HECTD4: variants seen among roughly 807,000 people sequenced by gnomAD.
HECTD4 encodes the protein HECT domain E3 ubiquitin protein ligase 4.
A neutral mutation model predicts 471.5 loss-of-function variants in HECTD4; 114 were observed. The ratio of observed to expected loss-of-function variants is 0.24; its 90% CI spans 0.21 to 0.28. The LOEUF (loss-of-function observed/expected upper bound fraction) is 0.28. Ranked by LOEUF, HECTD4 falls within the 10% of genes least tolerant of loss-of-function variation. The probability of loss-of-function intolerance (pLI) is 1.00; values close to 1 mark genes in which losing one functional copy is unlikely to be tolerated. For missense variants in HECTD4, 3,866 were observed against 5,651.5 expected, an observed-to-expected ratio of 0.68 and a Z score of 10.13; for synonymous variants, 2,012 against 2,256.0, an observed-to-expected ratio of 0.89 and a Z score of 3.07.
At chr12:112,265,630 T>C (rs971537036) in intron 15 of HECTD4, among the ~76,000 whole-genome samples, 1 of 152,196 alleles carries the variant, frequency 6.6e-6, no homozygotes, top group African/African-American at 2.4e-5. Context: ...GTAAGTTCCA[T>C]CTGTTATTTT....
chr12:112,219,124 T>C (rs1350427268), intron 45 of HECTD4, among the ~76,000 whole-genome samples: 1 of 152,226 alleles, frequency 6.6e-6, no homozygotes, highest in African/African-American at 2.4e-5. Flanking sequence ...CTTTTTGTTA[T>C]TGACAGCACA....
At chr12:112,260,514 C>T (rs1477906228) in intron 18 of HECTD4, among the ~76,000 whole-genome samples, 1 of 152,132 alleles carries the variant, frequency 6.6e-6, no homozygotes, top group Non-Finnish European at 1.5e-5. Flanking sequence ...AGATCTACAG[C>T]TCCAACATGC....
chr12:112,193,761 TC>T lies in HECTD4; in HGVS notation c.8750-88del. 8.4e-7 allele frequency: 1 copy of T among 1,193,932 alleles called. No individual in the cohort carries two copies. The highest frequency in any genetic ancestry group is 1.3e-5 in the South Asian group (1 of 75,274). 74.0% of individuals were successfully genotyped at this position (1,193,932 alleles called of 1,614,324 possible). On this transcript the variant is annotated intron_variant, in intron 56 of 75. Transcript: ENST00000682272. The surrounding 1 kb of genome is among the most constrained non-coding windows in gnomAD (Gnocchi z 5.2). ...TAAGTAACAGAAAATGAATAACCCATCCAGAAACCCCAGATGGGAGGGTTAT... is the reference window on the plus strand; with the variant it reads ...TAAGTAACAGAAAATGAATAACCCATCAGAAACCCCAGATGGGAGGGTTAT...
In HECTD4 at chr12:112,243,011, T is replaced by G. The variant is rs972814370; in HGVS notation, c.4958+342A>C. 2.0e-5 allele frequency among the ~76,000 whole-genome samples: 3 copies of G among 152,216 alleles called. No homozygotes were observed. The highest frequency in any genetic ancestry group is 2.9e-5 in the Non-Finnish European group (2 of 68,034). On this transcript the variant is annotated intron_variant, in intron 32 of 75. Coordinates refer to ENST00000682272, the MANE Select transcript of HECTD4 (RefSeq NM_001388303.1). The surrounding 1 kb of genome is among the most constrained non-coding windows in gnomAD (Gnocchi z 6.6). ...ATACTGAGCAAAACAACCATGGTTA[T>G]AGAAAGGCATGGATAATATAATCTG...
intron 6 of HECTD4, among the ~76,000 whole-genome samples, chr12:112,306,755 A>C (rs929183680): frequency 6.6e-6 from 1 of 152,216 alleles, no homozygotes; most frequent in African/African-American, 2.4e-5. Context: ...GAAAGCCAAG[A>C]GGAAAAGCTG....
chr12:112,256,224 C>T, intron 21 of HECTD4, 96 bp downstream of exon 21: 1 of 871,844 alleles, frequency 1.1e-6, no homozygotes, highest in East Asian at 2.6e-5. Flanking sequence ...AGACAGAAAT[C>T]AGTCAAGAAT....
chr12:112,224,530 T>C (rs2033181324), intron 44 of HECTD4, among the ~76,000 whole-genome samples: 1 of 152,144 alleles, frequency 6.6e-6, no homozygotes, highest in Admixed American at 6.6e-5. Context: ...CCTCCCAAAG[T>C]GCTAGGATTA....
intron 44 of HECTD4, among the ~76,000 whole-genome samples, chr12:112,220,665 C>T (rs911235140): frequency 6.6e-6 from 1 of 152,090 alleles, no homozygotes; most frequent in Non-Finnish European, 1.5e-5. Context: ...GGCATGGTGG[C>T]ACATGCTTGT....
chr12:112,337,075 C>G (rs2035971535), intron 1 of HECTD4, among the ~76,000 whole-genome samples: 1 of 152,122 alleles, frequency 6.6e-6, no homozygotes, highest in Non-Finnish European at 1.5e-5. Flanking sequence ...AGCTAAATCA[C>G]CTCAATTCAC....
At chr12:112,240,837 A>G (rs547504447) in intron 32 of HECTD4, among the ~76,000 whole-genome samples, 23 of 152,346 alleles carry the variant, frequency 1.5e-4, no homozygotes, top group South Asian at 6.2e-4. Flanking sequence ...TATTAGCAGA[A>G]GATGAAAGCC....
intron 70 of HECTD4, among the ~76,000 whole-genome samples, chr12:112,168,369 G>C (rs575844593): frequency 1.3e-5 from 2 of 152,218 alleles, no homozygotes; most frequent in Non-Finnish European, 2.9e-5. Context: ...CCGGGCTCGC[G>C]TATGTCCGAT....
At chr12:112,378,064 A>G (rs138667707) in intron 1 of HECTD4, among the ~76,000 whole-genome samples, 170 of 152,294 alleles carry the variant, frequency 1.1e-3, no homozygotes, top group Non-Finnish European at 2.0e-3. Flanking sequence ...TAGAAAAGCT[A>G]GGGTCTAGTC....
intron 44 of HECTD4, 55 bp from the exon 45 acceptor site, chr12:112,219,544 G>T: frequency 8.0e-7 from 1 of 1,251,670 alleles, no homozygotes; most frequent in South Asian, 1.3e-5. Context: ...TCCCAAGTGG[G>T]TGCTGACTCT....
chr12:112,284,518 T>G (rs1017056819), intron 7 of HECTD4, among the ~76,000 whole-genome samples: 1 of 152,212 alleles, frequency 6.6e-6, no homozygotes, highest in Non-Finnish European at 1.5e-5. Flanking sequence ...CCAGGAAAGA[T>G]TCCCAAAGGT....
chr12:112,314,871 A>G (rs1003876516), intron 2 of HECTD4, among the ~76,000 whole-genome samples: 8 of 152,214 alleles, frequency 5.3e-5, no homozygotes, highest in Non-Finnish European at 1.2e-4. Flanking sequence ...CTTGGTTACT[A>G]TATCACCAAG....
intron 1 of HECTD4, among the ~76,000 whole-genome samples, chr12:112,358,136 G>A (rs1311771797): frequency 6.6e-6 from 1 of 152,104 alleles, no homozygotes; most frequent in Admixed American, 6.6e-5. Flanking sequence ...CCTGGGAGGC[G>A]TAGGTTGCAA....
chr12:112,164,055 T>C, intron 73 of HECTD4, 54 bp downstream of exon 73: 1 of 1,375,538 alleles, frequency 7.3e-7, no homozygotes, highest in Non-Finnish European at 9.5e-7. Context: ...TGTCATACCC[T>C]GGCTGGCTGG....
intron 7 of HECTD4, among the ~76,000 whole-genome samples, chr12:112,288,492 T>C (rs1200167823): frequency 1.3e-5 from 2 of 151,984 alleles, no homozygotes; most frequent in African/African-American, 4.8e-5. Context: ...CATGGTGGCA[T>C]GAGCCTGTAG....
At chr12:112,216,162 C>T (rs1043403523) in intron 48 of HECTD4, 130 bp downstream of exon 48, 6 of 653,958 alleles carry the variant, frequency 9.2e-6, no homozygotes, top group South Asian at 7.4e-5. Flanking sequence ...GCAGCAAGGA[C>T]GTGTTTGGTT....
Sources: gnomAD v4.1 joint callset for allele counts (sites outside exome capture counted in the v4.1 genomes callset) on GRCh38, gnomAD v4.1.1 for gene constraint, Gnocchi (gnomAD v3.1) non-coding constraint, MANE v1.5 for transcripts, NCBI Gene and HGNC (gene_info 2026-07-23, HGNC 2026-07-21) for gene names.